Variants in PEX11G observed in about 807,000 individuals in gnomAD.
PEX11G encodes the protein peroxisomal membrane protein 11C.
A neutral mutation model predicts 22.5 loss-of-function variants in PEX11G; 20 were observed. That is an observed-to-expected ratio of 0.89 (90% CI 0.62 to 1.29). PEX11G has a LOEUF of 1.29. PEX11G is among the 50% of genes most tolerant of loss of function. The probability of loss-of-function intolerance (pLI) is 0.00; values close to 1 mark genes in which losing one functional copy is unlikely to be tolerated. For synonymous variants in PEX11G, 141 were observed against 154.5 expected (o/e 0.91, Z 0.65); for missense variants, 347 against 331.3 (o/e 1.05, Z -0.37).
At chr19:7,489,413 T>C, upstream of PEX11G, 1 of 1,015,190 alleles carries the variant, frequency 9.9e-7, no homozygotes. Flanking sequence ...TTCTGCACTG[T>C]CTGCCTGCCC....
At position 7,477,106 on chromosome 19, in the gene PEX11G, C is replaced by T; in HGVS notation, c.*96G>A. 3 of 1,198,136 alleles carry T rather than the reference C, an allele frequency of 2.5e-6. No individual in the cohort carries two copies. The highest frequency in any genetic ancestry group is 3.0e-5 in the East Asian group (1 of 33,216). The allele number at this position is 1,198,136 out of a possible 1,614,324, so 74.2% of individuals were successfully genotyped here. On this transcript the variant is annotated 3_prime_UTR_variant, in exon 5 of 5. Coordinates refer to ENST00000221480, the MANE Select transcript of PEX11G (RefSeq NM_080662.4). ...TGCCCATGGGTTTCACCACAGGCAG[C>T]TCCATGAGAGCCCCGGCCCCTGCCC...
chr19:7,488,951 C>T lies in PEX11G; in HGVS notation c.60G>A (p.Leu20=). Residue 20 remains leucine, a splice_region_variant and synonymous_variant, in exon 1 of 5, where the codon CTG becomes CTA. Coordinates refer to ENST00000221480, the MANE Select transcript of PEX11G (RefSeq NM_080662.4). ...CGGCCCCGGTCCGCCCCTGCCTCAC[C>T]AGGCGGTCCCGGCCCCTGTACGACT... The part of the protein sequence containing the change: ...ALESYRGRDR[L]IRVLGYCCQL... 6.4e-7 allele frequency: 1 copy of T among 1,552,800 alleles called. No homozygotes were observed. Among genetic ancestry groups the T allele is most frequent in the East Asian group, 2.4e-5 (1 of 41,166 alleles).
chr19:7,485,774 A>C, intron 2 of PEX11G, 64 bp downstream of exon 2: 1 of 1,443,582 alleles, frequency 6.9e-7, no homozygotes, highest in African/African-American at 1.4e-5. Context: ...GGGCCAAAAA[A>C]TTTTTTAAAA....
chr19:7,486,663 G>A (rs956655563), intron 1 of PEX11G, among the ~76,000 whole-genome samples: 1 of 151,618 alleles, frequency 6.6e-6, no homozygotes, highest in African/African-American at 2.4e-5. Flanking sequence ...GCGGTGGCGC[G>A]ATCTCGGCTC....
chr19:7,481,528 T>C (rs1240678727), intron 3 of PEX11G, among the ~76,000 whole-genome samples: 1 of 152,204 alleles, frequency 6.6e-6, no homozygotes, highest in Non-Finnish European at 1.5e-5. Context: ...AGATGGGGTA[T>C]TACCCTGGAT....
chr19:7,488,469 A>C (rs1021392834), intron 1 of PEX11G, among the ~76,000 whole-genome samples: 1 of 152,200 alleles, frequency 6.6e-6, no homozygotes, highest in Non-Finnish European at 1.5e-5. Context: ...CCAGTGTGTC[A>C]ATGTCCAGAC....
upstream of PEX11G, among the ~76,000 whole-genome samples, chr19:7,490,642 A>ATTT (rs749165168): frequency 1.5e-3 from 83 of 55,110 alleles, 7 homozygotes; most frequent in Non-Finnish European, 2.0e-3. Flanking sequence ...CCTGGCCTCT[A>ATTT]TTTTTTTTTT....
At chr19:7,489,063 C>G (rs2021804996), upstream of PEX11G, 5 of 1,452,832 alleles carry the variant, frequency 3.4e-6, no homozygotes, top group Non-Finnish European at 4.5e-6. Flanking sequence ...GGGGGCGGGG[C>G]CAGGCCGGGG....
In PEX11G at chr19:7,477,822, G is replaced by A. The variant is rs540372351; in HGVS notation, c.492-386C>T. On this transcript the variant is annotated intron_variant, in intron 4 of 4. Coordinates refer to ENST00000221480, the MANE Select transcript of PEX11G (RefSeq NM_080662.4). ...TATCAGGATGACACAGTGACGATAA[G>A]CCTGGCCAATATGGCGAGACCCCAT... is the stretch of plus-strand genomic sequence containing the variant. Among the ~76,000 whole-genome samples the A allele has an allele frequency of 2.1e-3, 316 of 152,340 alleles. 2 individuals are homozygous for A. The highest frequency in any genetic ancestry group is 7.4e-3 in the African/African-American group (307 of 41,582).
chr19:7,493,848 A>T (rs2145987583), upstream of PEX11G, among the ~76,000 whole-genome samples: 1 of 151,818 alleles, frequency 6.6e-6, no homozygotes, highest in East Asian at 2.0e-4. Context: ...TCAAAAAAAA[A>T]AAAAAGACTT....
chr19:7,491,565 G>A (rs78306740), upstream of PEX11G, among the ~76,000 whole-genome samples: 14,978 of 150,552 alleles, frequency 0.099, 812 homozygotes, highest in South Asian at 0.18. Flanking sequence ...CACCATGCCC[G>A]ACCTCCTTGA....
At chr19:7,480,592 T>C (rs1977445317) in intron 3 of PEX11G, among the ~76,000 whole-genome samples, 1 of 152,186 alleles carries the variant, frequency 6.6e-6, no homozygotes, top group Admixed American at 6.6e-5. Context: ...CTGGGTTGGA[T>C]TGTGGGTAAT....
At chr19:7,478,516 C>G in intron 3 of PEX11G, 140 bp from the exon 4 acceptor site, 1 of 843,896 alleles carries the variant, frequency 1.2e-6, no homozygotes, top group Non-Finnish European at 1.9e-6. Flanking sequence ...CCCCACAGTC[C>G]CACACCCTCC....
chr19:7,484,345 CCCTGTCTCCAAAAAA>C (rs1367021347), intron 2 of PEX11G, among the ~76,000 whole-genome samples: 2 of 135,304 alleles, frequency 1.5e-5, no homozygotes, highest in Non-Finnish European at 3.1e-5. Context: ...CAGAGTGAGA[CCCTGTCTCCAAAAAA>C]AAAGAAAGAT....
chr19:7,477,725 A>G (rs1977290509), intron 4 of PEX11G, among the ~76,000 whole-genome samples: 1 of 152,178 alleles, frequency 6.6e-6, no homozygotes, highest in African/African-American at 2.4e-5. Context: ...AGAAAGCACA[A>G]ATGCACTTTG....
At chr19:7,486,252 C>G (rs2021652244) in intron 1 of PEX11G, among the ~76,000 whole-genome samples, 1 of 151,948 alleles carries the variant, frequency 6.6e-6, no homozygotes, top group African/African-American at 2.4e-5. Context: ...TCAGCCTCCC[C>G]AGTAGCTGGG....
chr19:7,479,716 C>T (rs1374762220), intron 3 of PEX11G, among the ~76,000 whole-genome samples: 1 of 151,362 alleles, frequency 6.6e-6, no homozygotes, highest in African/African-American at 2.4e-5. Flanking sequence ...CTTCGATGGC[C>T]GTGAAACAAT....
chr19:7,485,362 G>T (rs1452817095), intron 2 of PEX11G, among the ~76,000 whole-genome samples: 1 of 151,184 alleles, frequency 6.6e-6, no homozygotes, highest in Non-Finnish European at 1.5e-5. Context: ...GTAGAGACAG[G>T]GTTTTTTTTT....
chr19:7,492,215 G>T (rs531955334), upstream of PEX11G, among the ~76,000 whole-genome samples: 2 of 152,252 alleles, frequency 1.3e-5, no homozygotes, highest in Admixed American at 1.3e-4. Context: ...GGGTCATTTT[G>T]TAACTCTATG....
Sources: allele counts gnomAD v4.1 joint callset (sites outside exome capture counted in the v4.1 genomes callset), GRCh38; gene constraint gnomAD v4.1.1; transcripts MANE v1.5; gene names NCBI Gene and HGNC (gene_info 2026-07-23, HGNC 2026-07-21).